AGAP1: variants seen among roughly 807,000 people sequenced by gnomAD.
AGAP1 encodes arf-GAP with GTPase, ANK repeat and PH domain-containing protein 1.
Under a neutral mutation model 105.3 loss-of-function variants are expected in AGAP1, and 29 were observed. The ratio of observed to expected loss-of-function variants is 0.28; its 90% CI spans 0.21 to 0.38. The LOEUF is 0.38. AGAP1 is among the 10% of genes least tolerant of loss of function. The probability of loss-of-function intolerance (pLI) is 1.00; values close to 1 mark genes in which losing one functional copy is unlikely to be tolerated. For missense variants in AGAP1, 998 were observed against 1,165.1 expected, an observed-to-expected ratio of 0.86 and a Z score of 2.09; for synonymous variants, 509 against 485.9, an observed-to-expected ratio of 1.05 and a Z score of -0.63.
chr2:235,738,286 T>A (rs1952369140), intron 3 of AGAP1, among the ~76,000 whole-genome samples: 1 of 152,036 alleles, frequency 6.6e-6, no homozygotes, highest in Non-Finnish European at 1.5e-5. Flanking sequence ...TTTGCTGAGC[T>A]CCTCTGTCCC....
intron 13 of AGAP1, among the ~76,000 whole-genome samples, chr2:235,991,534 A>AC (rs759897533): frequency 6.6e-6 from 1 of 152,164 alleles, no homozygotes; most frequent in Admixed American, 6.6e-5. Context: ...TCCCAGTGAG[A>AC]CCCCACCTCT....
In AGAP1 at chr2:236,096,609, G is replaced by A. The variant is rs1237895123; in HGVS notation, c.2115-23583G>A. Among the ~76,000 whole-genome samples the A allele has an allele frequency of 3.3e-5, 5 of 151,382 alleles. No individual in the cohort carries two copies. The highest frequency in any genetic ancestry group is 5.9e-5 in the Non-Finnish European group (4 of 67,924). On this transcript the variant is annotated intron_variant, in intron 16 of 17. Coordinates refer to ENST00000304032, the MANE Select transcript of AGAP1 (RefSeq NM_001037131.3). The surrounding 1 kb of genome is among the most constrained non-coding windows in gnomAD (Gnocchi z 4.4). ...TTTTATTTTTTTGGGACAGAGTCTC[G>A]CTCTTGTCACCCAGGCTGGAGTGCA...
chr2:235,809,585 G>A (rs1958021673), intron 9 of AGAP1, among the ~76,000 whole-genome samples: 1 of 152,178 alleles, frequency 6.6e-6, no homozygotes, highest in African/African-American at 2.4e-5. Flanking sequence ...ATTTTTAAAT[G>A]TTAGCAAAAC....
rs1372329267 is a variant in AGAP1 at position 235,582,912 on chromosome 2, C to T, written c.163+88063C>T. ...CCTTTGATGGAGTGTGTTCCGGAAT[C>T]GGGAGGAAGCTTGTAAGGCTGCTTT... On this transcript the variant is annotated intron_variant, in intron 1 of 17. Coordinates refer to ENST00000304032, the MANE Select transcript of AGAP1 (RefSeq NM_001037131.3). This position sits in a 1 kb window ranked among gnomAD's most constrained non-coding sequence, Gnocchi z 4.7. 6.6e-6 allele frequency among the ~76,000 whole-genome samples: 1 copy of T among 152,214 alleles called. No homozygotes were observed. The highest frequency in any genetic ancestry group is 1.9e-4 in the East Asian group (1 of 5,200).
chr2:235,519,793 T>A (rs1195898298), intron 1 of AGAP1, among the ~76,000 whole-genome samples: 1 of 152,156 alleles, frequency 6.6e-6, no homozygotes, highest in Non-Finnish European at 1.5e-5. Context: ...TCATTATTTA[T>A]TTTTTTGAGA....
At position 235,639,779 on chromosome 2, in the gene AGAP1, C is replaced by T. The variant is rs1055766429; in HGVS notation, c.164-69400C>T. Among the ~76,000 whole-genome samples, 2 of 152,158 alleles carry T rather than the reference C, an allele frequency of 1.3e-5. No homozygotes were observed. Among genetic ancestry groups the T allele is most frequent in the Admixed American group, 1.3e-4 (2 of 15,272 alleles). On this transcript the variant is annotated intron_variant, in intron 1 of 17. Coordinates refer to ENST00000304032, the MANE Select transcript of AGAP1 (RefSeq NM_001037131.3). The surrounding 1 kb of genome is among the most constrained non-coding windows in gnomAD (Gnocchi z 5.3). ...CATTCTAGACCATCCAGTTTTGCTTCTCAGGCTCTGAAAAACACTTTTAAG... is the reference window on the plus strand; with the variant it reads ...CATTCTAGACCATCCAGTTTTGCTTTTCAGGCTCTGAAAAACACTTTTAAG...
In AGAP1 at chr2:236,038,706, C is replaced by T. The variant is rs983770345; in HGVS notation, c.1800+1991C>T. On this transcript the variant is annotated intron_variant, in intron 14 of 17. Coordinates refer to ENST00000304032, the MANE Select transcript of AGAP1 (RefSeq NM_001037131.3). The surrounding 1 kb of genome is among the most constrained non-coding windows in gnomAD (Gnocchi z 4.5). ...CACCAGCTTTATAGTATTTTACCTGCCAGTGGATAATTGAGAGCTGATACA... is the reference window on the plus strand; with the variant it reads ...CACCAGCTTTATAGTATTTTACCTGTCAGTGGATAATTGAGAGCTGATACA... 6.6e-6 allele frequency among the ~76,000 whole-genome samples: 1 copy of T among 152,068 alleles called. No individual in the cohort carries two copies. The highest frequency in any genetic ancestry group is 6.6e-5 in the Admixed American group (1 of 15,264).
Position 235,621,921 on chromosome 2 carries a change from C to T in AGAP1, c.164-87258C>T, listed in dbSNP as rs1485697009. Among the ~76,000 whole-genome samples, 1 of 151,806 alleles carries T rather than the reference C, an allele frequency of 6.6e-6. No individual in the cohort carries two copies. The highest frequency in any genetic ancestry group is 1.5e-5 in the Non-Finnish European group (1 of 67,990). ...CGCAGACCCCCCCACCCCCTCAGAA[C>T]AGCGGCCACTGTGTGGATGTTTCTG... On this transcript the variant is annotated intron_variant, in intron 1 of 17. Transcript: ENST00000304032. This position sits in a 1 kb window ranked among gnomAD's most constrained non-coding sequence, Gnocchi z 4.1.
chr2:235,523,084 T>C (rs1432639380), intron 1 of AGAP1, among the ~76,000 whole-genome samples: 1 of 152,180 alleles, frequency 6.6e-6, no homozygotes, highest in Non-Finnish European at 1.5e-5. Flanking sequence ...GAGGGCTCTC[T>C]TCCTGGCTTA....
At position 235,599,495 on chromosome 2, in the gene AGAP1, A is replaced by G. The variant is rs11673766; in HGVS notation, c.163+104646A>G. 0.42 allele frequency among the ~76,000 whole-genome samples: 63,642 copies of G among 152,072 alleles called. 17,198 individuals are homozygous for G. The highest frequency in any genetic ancestry group is 0.77 in the African/African-American group (31,729 of 41,452). ...TGATGTGGGAAATGACTGCAAAGCT[A>G]TCTTACTCTTTATTCCATAGCCACA... On this transcript the variant is annotated intron_variant, in intron 1 of 17. Coordinates refer to ENST00000304032, the MANE Select transcript of AGAP1 (RefSeq NM_001037131.3). This position sits in a 1 kb window ranked among gnomAD's most constrained non-coding sequence, Gnocchi z 5.3.
At chr2:235,946,236 ATG>A (rs1251336658) in intron 12 of AGAP1, among the ~76,000 whole-genome samples, 1 of 147,564 alleles carries the variant, frequency 6.8e-6, no homozygotes, top group Non-Finnish European at 1.5e-5. Flanking sequence ...GTGTGTGGTT[ATG>A]TGTTTATTCC....
chr2:235,744,900 A>T lies in AGAP1; in HGVS notation c.538+61A>T, dbSNP rs1952809091. 9.0e-6 allele frequency: 14 copies of T among 1,560,460 alleles called. No individual in the cohort carries two copies. The highest frequency in any genetic ancestry group is 1.4e-5 in the African/African-American group (1 of 73,076). On this transcript the variant is annotated intron_variant, in intron 5 of 17. Transcript: ENST00000304032. This position sits in a 1 kb window ranked among gnomAD's most constrained non-coding sequence, Gnocchi z 5.2. ...GTTCTAACAGTTACATATTTTCAGT[A>T]TGGAGGAGTTTAAAAAATGCTTTAA...
rs189832455 is a variant in AGAP1, at chr2:235,877,555, T to C, written c.1051-5790T>C. ...GTTAACTTGTTCTCAGAGTGAGTGA[T>C]TTACATGTTGCGTCTCCCTCAGCGC... is the stretch of plus-strand genomic sequence containing the variant. On this transcript the variant is annotated intron_variant, in intron 9 of 17. Coordinates refer to ENST00000304032, the MANE Select transcript of AGAP1 (RefSeq NM_001037131.3). This position sits in a 1 kb window ranked among gnomAD's most constrained non-coding sequence, Gnocchi z 4.3. Among the ~76,000 whole-genome samples the C allele has an allele frequency of 6.6e-5, 10 of 152,256 alleles. No individual in the cohort carries two copies. The East Asian group carries it at 1.5e-3, about 24-fold the overall frequency.
chr2:235,637,748 G>A (rs1947054115), intron 1 of AGAP1, among the ~76,000 whole-genome samples: 1 of 152,160 alleles, frequency 6.6e-6, no homozygotes, highest in Non-Finnish European at 1.5e-5. Context: ...GAGGAGGTCT[G>A]TTAGGGGAAT....
In AGAP1 at chr2:235,951,033, T is replaced by G. The variant is rs554035662; in HGVS notation, c.1484-17429T>G. ...AGAATATTCTAATAGTATCTAATAG[T>G]AATGGTGAATTACTCATAGTTTTCT... On this transcript the variant is annotated intron_variant, in intron 12 of 17. Transcript: ENST00000304032. The surrounding 1 kb of genome is among the most constrained non-coding windows in gnomAD (Gnocchi z 4.2). Among the ~76,000 whole-genome samples the G allele has an allele frequency of 5.9e-5, 9 of 152,160 alleles. No homozygotes were observed. Among genetic ancestry groups the G allele is most frequent in the African/African-American group, 2.2e-4 (9 of 41,528 alleles).
chr2:236,112,197 CCT>C (rs1242861178), intron 16 of AGAP1, among the ~76,000 whole-genome samples: 3 of 152,158 alleles, frequency 2.0e-5, no homozygotes, highest in Non-Finnish European at 4.4e-5. Context: ...GGACAGATCA[CCT>C]GAGGTCCATA....
chr2:235,901,535 G>A lies in AGAP1; in HGVS notation c.1156-7203G>A, dbSNP rs2051065619. 6.6e-6 allele frequency among the ~76,000 whole-genome samples: 1 copy of A among 152,202 alleles called. No homozygotes were observed. Among genetic ancestry groups the A allele is most frequent in the South Asian group, 2.1e-4 (1 of 4,832 alleles). ...GAGCCAATGGCTGCTTTGCAGACAT[G>A]AAGCTAGACTAGTGGTTCTCAAGAC... On this transcript the variant is annotated intron_variant, in intron 10 of 17. Coordinates refer to ENST00000304032, the MANE Select transcript of AGAP1 (RefSeq NM_001037131.3). This position sits in a 1 kb window ranked among gnomAD's most constrained non-coding sequence, Gnocchi z 4.3.
chr2:235,998,665 G>A (rs1162201962), intron 13 of AGAP1, among the ~76,000 whole-genome samples: 3 of 152,152 alleles, frequency 2.0e-5, no homozygotes, highest in Non-Finnish European at 4.4e-5. Context: ...AGGTGGTGGT[G>A]GTGGTGGTGG....
In AGAP1 at chr2:235,714,224, C is replaced by T. The variant is rs1381956472; in HGVS notation, c.223-3333C>T. Among the ~76,000 whole-genome samples, 2 of 151,980 alleles carry T rather than the reference C, an allele frequency of 1.3e-5. No homozygotes were observed. The highest frequency in any genetic ancestry group is 6.6e-5 in the Admixed American group (1 of 15,246). On this transcript the variant is annotated intron_variant, in intron 2 of 17. Transcript: ENST00000304032. This position sits in a 1 kb window ranked among gnomAD's most constrained non-coding sequence, Gnocchi z 4.1. ...TGAGACAGGGTTTCACCATGTTGGC[C>T]AGTCTGGTCTTGAACTCCTGACCTC...
Sources: gnomAD v4.1 joint callset for allele counts (sites outside exome capture counted in the v4.1 genomes callset) on GRCh38, gnomAD v4.1.1 for gene constraint, Gnocchi (gnomAD v3.1) non-coding constraint, MANE v1.5 for transcripts, NCBI Gene and HGNC (gene_info 2026-07-23, HGNC 2026-07-21) for gene names.